The following GPHN variants were observed in gnomAD, a reference collection of about 807,000 sequenced individuals.
GPHN encodes the protein gephyrin.
GPHN carries 17 observed loss-of-function variants against 95.5 expected under a neutral mutation model. That is an observed-to-expected ratio of 0.18 (90% CI 0.12 to 0.27). The LOEUF is 0.27. Ranked by LOEUF, GPHN falls within the 10% of genes least tolerant of loss-of-function variation. GPHN has a pLI of 1.00. For synonymous variants in GPHN, 320 were observed against 322.5 expected (o/e 0.99, Z 0.08); for missense variants, 660 against 978.1 (o/e 0.67, Z 4.34).
At chr14:66,862,382 T>C (rs928610035) in intron 4 of GPHN, among the ~76,000 whole-genome samples, 2 of 151,932 alleles carry the variant, frequency 1.3e-5, no homozygotes, top group African/African-American at 4.8e-5. Context: ...GAGATCCAAT[T>C]CCCTGCTGAA....
chr14:67,162,901 A>ATC (rs1235760680), intron 19 of GPHN, among the ~76,000 whole-genome samples: 2 of 152,206 alleles, frequency 1.3e-5, no homozygotes, highest in Non-Finnish European at 2.9e-5. Context: ...ACATTGCTTA[A>ATC]TCTCTCTGAA....
At chr14:67,353,985 T>C in the GPHN span, 1 of 151,070 alleles carries the variant, frequency 6.6e-6, no homozygotes, top group African/African-American at 2.4e-5. Context: ...AAAAGGCATG[T>C]TCGACCCTTT....
intron 5 of GPHN, among the ~76,000 whole-genome samples, chr14:66,883,214 T>G (rs2064016718): frequency 6.6e-6 from 1 of 151,944 alleles, no homozygotes; most frequent in Non-Finnish European, 1.5e-5. Flanking sequence ...TAAAATCTTT[T>G]TTACTCTGTA....
At chr14:67,323,502 C>T in the GPHN span, among the ~76,000 whole-genome samples, 303 of 151,616 alleles carry the variant, frequency 2.0e-3, no homozygotes, top group African/African-American at 6.9e-3. Flanking sequence ...ATAGTCCTAG[C>T]TACTGGGGAT....
intron 1 of GPHN, among the ~76,000 whole-genome samples, chr14:66,546,387 GCA>G (rs1455555637): frequency 1.3e-5 from 2 of 152,114 alleles, no homozygotes; most frequent in African/African-American, 4.8e-5. Context: ...GGCAGAGGCT[GCA>G]ATCTCGGCAC....
the GPHN span, among the ~76,000 whole-genome samples, chr14:67,657,779 C>T: frequency 4.1e-5 from 6 of 147,604 alleles, no homozygotes; most frequent in African/African-American, 7.6e-5. Context: ...GAGACAGTCT[C>T]GCTCTGTCGC....
At chr14:66,632,150 A>G (rs2063840961) in intron 1 of GPHN, among the ~76,000 whole-genome samples, 2 of 152,160 alleles carry the variant, frequency 1.3e-5, no homozygotes, top group Non-Finnish European at 2.9e-5. Context: ...GGGGAGAGCA[A>G]TGTTTCATGA....
At chr14:67,548,030 G>A in the GPHN span, among the ~76,000 whole-genome samples, 1 of 152,178 alleles carries the variant, frequency 6.6e-6, no homozygotes, top group Admixed American at 6.5e-5. Flanking sequence ...TTCCAGTAGA[G>A]GAGGCTGAGG....
Position 67,089,133 on chromosome 14 carries a change from C to CTTTTTTTTTT in GPHN, c.1237+74_1237+83dup, listed in dbSNP as rs1163483546. On this transcript the variant is annotated intron_variant, in intron 12 of 22. Transcript: ENST00000478722. ...GCACTGTATTTTTTTTTCTTTTTTT[C>CTTTTTTTTTT]TTTTTTTTTTTTTTTTTTTTTTTTT... The CTTTTTTTTTT allele has an allele frequency of 4.5e-3, 896 of 199,822 alleles. 1 individual carries two copies. The highest frequency in any genetic ancestry group is 5.4e-3 in the South Asian group (114 of 20,932). 12.4% of individuals were successfully genotyped at this position (199,822 alleles called of 1,614,324 possible). A position where few individuals can be genotyped will look rare whatever the true frequency, so the allele number is the denominator to read the frequency against.
chr14:67,655,028 CA>C, the GPHN span, among the ~76,000 whole-genome samples: 101 of 43,462 alleles, frequency 2.3e-3, no homozygotes, highest in African/African-American at 8.6e-3. Context: ...GACTCCATCT[CA>C]AAAAAAAAAA....
the GPHN span, chr14:67,381,504 A>T: frequency 1.0e-6 from 1 of 970,770 alleles, no homozygotes; most frequent in Middle Eastern, 2.5e-4. Flanking sequence ...GTATTTGAAT[A>T]CTAATATATC....
At position 66,604,272 on chromosome 14, in the gene GPHN, G is replaced by C. The variant is rs140769889; in HGVS notation, c.65-76835G>C. On this transcript the variant is annotated intron_variant, in intron 1 of 22. Transcript: ENST00000478722. ...ATTTGTAAACATCTACAGCAGGAAT[G>C]TATGCCATTTAATGCTTTTGTTTTT... Among the ~76,000 whole-genome samples the C allele has an allele frequency of 2.6e-5, 4 of 152,202 alleles. No individual in the cohort carries two copies. The East Asian group carries it at 7.7e-4, about 29-fold the overall frequency.
chr14:67,032,594 A>G (rs115203056), intron 10 of GPHN, among the ~76,000 whole-genome samples: 1 of 152,184 alleles, frequency 6.6e-6, no homozygotes, highest in Non-Finnish European at 1.5e-5. Context: ...GCAGCACCAC[A>G]GAGCCTCCAG....
chr14:66,856,775 G>C (rs1263700442), intron 4 of GPHN, among the ~76,000 whole-genome samples: 1 of 151,926 alleles, frequency 6.6e-6, no homozygotes. Flanking sequence ...CTTCCTAAGC[G>C]AAACTGATTT....
the GPHN span, among the ~76,000 whole-genome samples, chr14:67,401,546 G>A: frequency 2.6e-5 from 4 of 151,828 alleles, no homozygotes; most frequent in African/African-American, 9.7e-5. Flanking sequence ...AAAAAGAAGA[G>A]GAGATTTGGA....
At chr14:66,953,989 G>A (rs571637094) in intron 8 of GPHN, among the ~76,000 whole-genome samples, 184 of 151,278 alleles carry the variant, frequency 1.2e-3, no homozygotes, top group Non-Finnish European at 1.4e-3. Flanking sequence ...GAGCCAAGAC[G>A]GTGCGATTGC....
chr14:67,311,221 G>A, the GPHN span, among the ~76,000 whole-genome samples: 5 of 145,082 alleles, frequency 3.4e-5, no homozygotes, highest in Non-Finnish European at 5.9e-5. Context: ...TCAGACAGGA[G>A]AATCACTTGA....
chr14:67,406,705 G>T, the GPHN span, among the ~76,000 whole-genome samples: 2 of 152,196 alleles, frequency 1.3e-5, no homozygotes. Flanking sequence ...CTGGAGTGGG[G>T]AGCTCAGCTG....
chr14:66,726,894 T>C (rs552600141), intron 2 of GPHN, among the ~76,000 whole-genome samples: 24 of 152,338 alleles, frequency 1.6e-4, no homozygotes, highest in African/African-American at 5.5e-4. Flanking sequence ...ATAAAAATCA[T>C]CTTTATGCTA....
Sources: allele counts gnomAD v4.1 joint callset (sites outside exome capture counted in the v4.1 genomes callset), GRCh38; gene constraint gnomAD v4.1.1; transcripts MANE v1.5; gene names NCBI Gene and HGNC (gene_info 2026-07-23, HGNC 2026-07-21).